Variants in TUSC3 observed in about 807,000 individuals in gnomAD.
TUSC3 encodes the protein dolichyl-diphosphooligosaccharide--protein glycosyltransferase subunit TUSC3.
In TUSC3, 45 loss-of-function variants were observed where a neutral mutation model predicts 44.8. That is an observed-to-expected ratio of 1.00 (90% CI 0.79 to 1.29). TUSC3 has a LOEUF of 1.29. Ranked by LOEUF, TUSC3 falls within the 50% of genes most tolerant of loss-of-function variation. The pLI, the probability that TUSC3 is intolerant of heterozygous loss-of-function variation, is 0.00. For missense variants in TUSC3, 519 were observed against 437.9 expected, an observed-to-expected ratio of 1.19 and a Z score of -1.65; for synonymous variants, 212 against 152.9, an observed-to-expected ratio of 1.39 and a Z score of -2.85.
the TUSC3 span, among the ~76,000 whole-genome samples, chr8:15,781,873 C>G: frequency 2.6e-5 from 4 of 152,176 alleles, no homozygotes; most frequent in Non-Finnish European, 5.9e-5. Flanking sequence ...TGGCTCATGT[C>G]TGTAATCCAA....
At chr8:15,721,013 A>G (rs1810281930) in intron 6 of TUSC3, among the ~76,000 whole-genome samples, 1 of 152,052 alleles carries the variant, frequency 6.6e-6, no homozygotes, top group African/African-American at 2.4e-5. Flanking sequence ...TCATAGGTAC[A>G]TCAAAAAAAG....
intron 2 of TUSC3, among the ~76,000 whole-genome samples, chr8:15,633,394 C>T (rs897230366): frequency 6.6e-6 from 1 of 152,104 alleles, no homozygotes; most frequent in Non-Finnish European, 1.5e-5. Flanking sequence ...TGATAAATTT[C>T]TTACCTCCTG....
chr8:15,705,753 T>C (rs1809590349), intron 6 of TUSC3, among the ~76,000 whole-genome samples: 1 of 152,044 alleles, frequency 6.6e-6, no homozygotes, highest in Non-Finnish European at 1.5e-5. Flanking sequence ...AGCCCAATGA[T>C]GATGGCAGGT....
intron 1 of TUSC3, among the ~76,000 whole-genome samples, chr8:15,575,097 A>C (rs1301382939): frequency 6.6e-6 from 1 of 152,146 alleles, no homozygotes; most frequent in Admixed American, 6.6e-5. Context: ...AAATATTATT[A>C]GATTGTCATG....
At chr8:15,735,718 A>G (rs1024176089) in intron 7 of TUSC3, among the ~76,000 whole-genome samples, 42 of 152,082 alleles carry the variant, frequency 2.8e-4, no homozygotes, top group Admixed American at 2.6e-4. Context: ...ATTTTTTGAG[A>G]CGGAGTCTCA....
intron 1 of TUSC3, among the ~76,000 whole-genome samples, chr8:15,457,452 A>G (rs1800272223): frequency 6.6e-6 from 1 of 151,724 alleles, no homozygotes; most frequent in South Asian, 2.1e-4. Flanking sequence ...ATTTCATAAC[A>G]CTTTCATAGT....
At chr8:15,452,525 A>C (rs1800207869) in intron 1 of TUSC3, among the ~76,000 whole-genome samples, 4 of 152,098 alleles carry the variant, frequency 2.6e-5, no homozygotes, top group African/African-American at 9.7e-5. Flanking sequence ...AAAACATATT[A>C]GTACTGTGGA....
At chr8:15,591,125 CT>C in intron 1 of TUSC3, among the ~76,000 whole-genome samples, 1 of 152,044 alleles carries the variant, frequency 6.6e-6, no homozygotes, top group Middle Eastern at 3.4e-3. Flanking sequence ...TCATTAGGTC[CT>C]TTTTTTGGTT....
intron 9 of TUSC3, among the ~76,000 whole-genome samples, chr8:15,754,659 G>C (rs1029591801): frequency 2.0e-5 from 3 of 152,058 alleles, no homozygotes; most frequent in African/African-American, 7.2e-5. Context: ...TGGGTGTTAT[G>C]CCTCCGCCTT....
chr8:15,554,531 C>T (rs528287095), intron 1 of TUSC3, among the ~76,000 whole-genome samples: 90 of 150,572 alleles, frequency 6.0e-4, no homozygotes, highest in African/African-American at 2.1e-3. Flanking sequence ...AGATTTGGAG[C>T]TCTTAGTGCA....
chr8:15,741,628 A>G (rs554603879), intron 7 of TUSC3, among the ~76,000 whole-genome samples: 2 of 152,282 alleles, frequency 1.3e-5, no homozygotes, highest in Non-Finnish European at 2.9e-5. Context: ...CAGAGGTTGC[A>G]GTGAATCAAG....
chr8:15,754,879 C>G (rs1811859277), intron 9 of TUSC3, among the ~76,000 whole-genome samples: 1 of 151,862 alleles, frequency 6.6e-6, no homozygotes, highest in South Asian at 2.1e-4. Flanking sequence ...TCCTGTTCGG[C>G]TTATTCATTT....
intron 1 of TUSC3, among the ~76,000 whole-genome samples, chr8:15,425,943 G>T (rs1799798201): frequency 6.6e-6 from 1 of 152,168 alleles, no homozygotes; most frequent in Non-Finnish European, 1.5e-5. Context: ...TTGAGCCCAG[G>T]AGTTCAAGGC....
At chr8:15,517,712 A>C (rs923173513) in intron 2 of TUSC3, among the ~76,000 whole-genome samples, 1 of 152,200 alleles carries the variant, frequency 6.6e-6, no homozygotes, top group South Asian at 2.1e-4. Flanking sequence ...CAGCTGTATT[A>C]TATAAATAGT....
chr8:15,547,048 T>G (rs1801895489), intron 1 of TUSC3, among the ~76,000 whole-genome samples: 1 of 151,704 alleles, frequency 6.6e-6, no homozygotes, highest in Non-Finnish European at 1.5e-5. Context: ...ATATAGTGAA[T>G]TATTTATGGT....
At chr8:15,704,448 G>A (rs1234835016) in intron 6 of TUSC3, among the ~76,000 whole-genome samples, 1 of 152,022 alleles carries the variant, frequency 6.6e-6, no homozygotes, top group Middle Eastern at 3.4e-3. Flanking sequence ...TCTAAGTGAT[G>A]TGGAAGCCAT....
At chr8:15,775,651 C>T in the TUSC3 span, among the ~76,000 whole-genome samples, 16 of 144,910 alleles carry the variant, frequency 1.1e-4, no homozygotes, top group African/African-American at 2.3e-4. Flanking sequence ...TATATATATA[C>T]ACACACATAT....
At chr8:15,590,671 G>A (rs1243782974) in intron 1 of TUSC3, among the ~76,000 whole-genome samples, 1 of 151,374 alleles carries the variant, frequency 6.6e-6, no homozygotes, top group Non-Finnish European at 1.5e-5. Flanking sequence ...ATTGGTTTTT[G>A]TTTGTTTGTT....
chr8:15,830,048 G>T, the TUSC3 span, among the ~76,000 whole-genome samples: 2 of 151,978 alleles, frequency 1.3e-5, no homozygotes, highest in African/African-American at 4.8e-5. Context: ...TATGATTAGT[G>T]ATGTGGAGCA....
Sources: gnomAD v4.1 joint callset for allele counts (sites outside exome capture counted in the v4.1 genomes callset) on GRCh38, gnomAD v4.1.1 for gene constraint, MANE v1.5 for transcripts, NCBI Gene and HGNC (gene_info 2026-07-23, HGNC 2026-07-21) for gene names.